The following FMN2 variants were observed in gnomAD, a reference collection of about 807,000 sequenced individuals.
FMN2 encodes the protein formin-2.
FMN2 carries 51 observed loss-of-function variants against 142.3 expected under a neutral mutation model. That is an observed-to-expected ratio of 0.36 (90% CI 0.29 to 0.45). FMN2 has a LOEUF of 0.45. FMN2 is among the 20% of genes least tolerant of loss of function. FMN2 has a pLI of 1.00. For missense variants in FMN2, 1,936 were observed against 2,122.8 expected (o/e 0.91, Z 1.73); for synonymous variants, 882 against 869.8 (o/e 1.01, Z -0.25).
intron 16 of FMN2, among the ~76,000 whole-genome samples, chr1:240,447,400 T>TA (rs1675861083): frequency 6.6e-6 from 1 of 152,228 alleles, no homozygotes; most frequent in Admixed American, 6.5e-5. Context: ...AAAATGGTCC[T>TA]AAAAAATGTA....
chr1:240,133,145 G>C (rs753956247), intron 2 of FMN2, among the ~76,000 whole-genome samples: 3 of 152,094 alleles, frequency 2.0e-5, no homozygotes, highest in Non-Finnish European at 4.4e-5. Flanking sequence ...GAGAAATCTA[G>C]TGATATATGT....
chr1:240,271,094 G>T (rs1470431836), intron 7 of FMN2, among the ~76,000 whole-genome samples: 1 of 64,212 alleles, frequency 1.6e-5, no homozygotes, highest in African/African-American at 9.1e-5. Flanking sequence ...AACTTTCCAC[G>T]ATGGTTTTTT....
chr1:240,161,117 T>A (rs1418819064), intron 2 of FMN2, among the ~76,000 whole-genome samples: 22 of 152,144 alleles, frequency 1.4e-4, no homozygotes, highest in Non-Finnish European at 2.9e-4. Flanking sequence ...TGGTTTTGAA[T>A]TTTTTTATTT....
intron 6 of FMN2, among the ~76,000 whole-genome samples, chr1:240,250,766 T>C (rs1004446349): frequency 2.0e-5 from 3 of 152,158 alleles, no homozygotes; most frequent in Admixed American, 6.5e-5. Context: ...ATCTCACAAC[T>C]CATTGTTAGT....
chr1:240,098,113 TTTTTTG>T (rs1347971644), intron 1 of FMN2, among the ~76,000 whole-genome samples: 1 of 148,242 alleles, frequency 6.7e-6, no homozygotes, highest in Non-Finnish European at 1.5e-5. Flanking sequence ...TTTTTTTTTT[TTTTTTG>T]GAGACAGATT....
At chr1:240,105,785 C>T (rs1009551329) in intron 1 of FMN2, among the ~76,000 whole-genome samples, 13 of 152,046 alleles carry the variant, frequency 8.6e-5, no homozygotes, top group South Asian at 4.1e-4. Context: ...CCTTTATGAA[C>T]GTTATTTAAA....
At chr1:240,164,102 T>G (rs1664386014) in intron 2 of FMN2, among the ~76,000 whole-genome samples, 1 of 152,208 alleles carries the variant, frequency 6.6e-6, no homozygotes, top group South Asian at 2.1e-4. Context: ...TTTTACTATC[T>G]TGTCCAGGCT....
chr1:240,256,504 C>T (rs1014061789), intron 6 of FMN2, among the ~76,000 whole-genome samples: 1 of 149,460 alleles, frequency 6.7e-6, no homozygotes, highest in African/African-American at 2.5e-5. Flanking sequence ...TTTGGGAGGC[C>T]GAGGTGGGTG....
intron 2 of FMN2, chr1:240,171,161 T>A: frequency 1.0e-6 from 1 of 958,508 alleles, no homozygotes; most frequent in African/African-American, 1.6e-5. Context: ...GTCCCAAAGT[T>A]GGTATCTGAA....
intron 14 of FMN2, among the ~76,000 whole-genome samples, chr1:240,377,145 C>T (rs2103076459): frequency 6.6e-6 from 1 of 152,216 alleles, no homozygotes; most frequent in South Asian, 2.1e-4. Flanking sequence ...TGCATAGATC[C>T]AGCTTTTCAT....
intron 14 of FMN2, among the ~76,000 whole-genome samples, chr1:240,372,006 C>A (rs534084276): frequency 6.6e-6 from 1 of 151,974 alleles, no homozygotes; most frequent in Non-Finnish European, 1.5e-5. Context: ...GAGGCCGAGG[C>A]GGGTGGATCA....
chr1:240,288,571 C>A (rs930089038), intron 7 of FMN2, among the ~76,000 whole-genome samples: 1 of 152,124 alleles, frequency 6.6e-6, no homozygotes, highest in African/African-American at 2.4e-5. Context: ...CCCTGGAGAT[C>A]CCCACCTTCT....
chr1:240,189,891 GTGGAAAGCA>G (rs1665635941), intron 4 of FMN2, among the ~76,000 whole-genome samples: 1 of 151,986 alleles, frequency 6.6e-6, no homozygotes, highest in Admixed American at 6.5e-5. Flanking sequence ...TTTTTTTGGT[GTGGAAAGCA>G]TGGCTAAATT....
intron 5 of FMN2, 91 bp downstream of exon 5, chr1:240,208,823 A>G: frequency 6.8e-7 from 1 of 1,463,490 alleles, no homozygotes; most frequent in Non-Finnish European, 9.2e-7. Flanking sequence ...TGTTGAATGT[A>G]TTTTTAAGCA....
chr1:240,191,006 G>T (rs1432997392), intron 4 of FMN2, among the ~76,000 whole-genome samples: 1 of 152,122 alleles, frequency 6.6e-6, no homozygotes, highest in Non-Finnish European at 1.5e-5. Context: ...AGCTGGAAAT[G>T]AGAGGTTTGA....
At chr1:240,401,398 C>G (rs1018039891) in intron 15 of FMN2, among the ~76,000 whole-genome samples, 2 of 152,148 alleles carry the variant, frequency 1.3e-5, no homozygotes, top group Non-Finnish European at 2.9e-5. Context: ...TCTTCATTTT[C>G]CAGCCTTCCA....
chr1:240,104,528 C>A lies in FMN2; in HGVS notation c.1615+10804C>A, dbSNP rs552629351. ...ATTTTCACTTCCCATTCCGAAGCCT[C>A]TAGTAGACATACAGAACTGCTTTTA... is the stretch of plus-strand genomic sequence containing the variant. On this transcript the variant is annotated intron_variant, in intron 1 of 17. Coordinates refer to ENST00000319653, the MANE Select transcript of FMN2 (RefSeq NM_020066.5). Among the ~76,000 whole-genome samples the A allele has an allele frequency of 3.3e-5, 5 of 152,270 alleles. No individual in the cohort carries two copies. In the South Asian group the frequency reaches 1.0e-3, roughly 32 times the overall value.
intron 15 of FMN2, among the ~76,000 whole-genome samples, chr1:240,400,220 C>T (rs1254969741): frequency 2.0e-5 from 3 of 152,036 alleles, no homozygotes; most frequent in African/African-American, 4.8e-5. Context: ...CTAGGCTGCA[C>T]CCACTAATGA....
At chr1:240,172,163 G>T (rs1183321170) in intron 2 of FMN2, among the ~76,000 whole-genome samples, 1 of 151,502 alleles carries the variant, frequency 6.6e-6, no homozygotes, top group Admixed American at 6.6e-5. Flanking sequence ...TACCCTATTC[G>T]GGAAAATAAC....
Sources: gnomAD v4.1 joint callset for allele counts (sites outside exome capture counted in the v4.1 genomes callset) on GRCh38, gnomAD v4.1.1 for gene constraint, MANE v1.5 for transcripts, NCBI Gene and HGNC (gene_info 2026-07-23, HGNC 2026-07-21) for gene names.